Variants in DNAH11 observed in about 807,000 individuals in gnomAD.
DNAH11 encodes axonemal beta dynein heavy chain 11.
DNAH11 carries 442 observed loss-of-function variants against 526.0 expected under a neutral mutation model. The ratio of observed to expected loss-of-function variants is 0.84; its 90% confidence interval spans 0.78 to 0.91. The LOEUF is 0.91. Among genes scored for constraint, DNAH11 ranks in the 40% least tolerant of loss-of-function variants. DNAH11 has a pLI of 0.00. For missense variants in DNAH11, 6,989 were observed against 5,448.7 expected, an observed-to-expected ratio of 1.28 and a Z score of -8.90; for synonymous variants, 2,461 against 1,935.9, an observed-to-expected ratio of 1.27 and a Z score of -7.12.
At chr7:21,854,228 A>C (rs1285989356) in intron 67 of DNAH11, 87 bp from the exon 68 acceptor site, 33 of 1,445,630 alleles carry the variant, frequency 2.3e-5, no homozygotes, top group Non-Finnish European at 2.8e-5. Flanking sequence ...ATAATTTTTC[A>C]TTTCAGGTAC....
At chr7:21,675,756 G>A (rs779346982) in intron 30 of DNAH11, among the ~76,000 whole-genome samples, 22 of 152,198 alleles carry the variant, frequency 1.4e-4, no homozygotes, top group Admixed American at 6.5e-4. Context: ...ACATAACACA[G>A]AATGAGACAG....
chr7:21,855,267 G>C (rs992692491), intron 68 of DNAH11, among the ~76,000 whole-genome samples: 1 of 151,988 alleles, frequency 6.6e-6, no homozygotes, highest in South Asian at 2.1e-4. Context: ...TCCTGACCTC[G>C]TGATCTGCCC....
chr7:21,865,199 C>T (rs890684053), intron 70 of DNAH11, among the ~76,000 whole-genome samples: 3 of 152,152 alleles, frequency 2.0e-5, no homozygotes, highest in East Asian at 1.9e-4. Flanking sequence ...TTAATTCTTC[C>T]AGGATCTGGA....
At chr7:21,740,329 A>G (rs945664825) in intron 48 of DNAH11, among the ~76,000 whole-genome samples, 5 of 152,164 alleles carry the variant, frequency 3.3e-5, no homozygotes, top group Non-Finnish European at 7.3e-5. Flanking sequence ...ACCCATCTCC[A>G]TAACTCTTTT....
chr7:21,756,256 C>G (rs1257066778), intron 54 of DNAH11, among the ~76,000 whole-genome samples: 1 of 151,986 alleles, frequency 6.6e-6, no homozygotes, highest in Non-Finnish European at 1.5e-5. Context: ...CCTGAATACC[C>G]TCAACACCGT....
chr7:21,565,926 ATCTGTTAC>A (rs1364608828), intron 6 of DNAH11, among the ~76,000 whole-genome samples: 1 of 152,156 alleles, frequency 6.6e-6, no homozygotes, highest in Non-Finnish European at 1.5e-5. Flanking sequence ...TTTGTTCAAT[ATCTGTTAC>A]TCTGTTGGGC....
chr7:21,797,356 A>G (rs1481662082), intron 61 of DNAH11, among the ~76,000 whole-genome samples: 1 of 148,574 alleles, frequency 6.7e-6, no homozygotes, highest in Non-Finnish European at 1.5e-5. Flanking sequence ...AGTAGCTGGC[A>G]TTACAGGCCT....
Position 21,871,718 on chromosome 7 carries a change from A to G in DNAH11, c.11968-1556A>G, listed in dbSNP as rs113881640. Among the ~76,000 whole-genome samples, 502 of 152,256 alleles carry G rather than the reference A, an allele frequency of 3.3e-3. 6 individuals are homozygous for G. The highest frequency in any genetic ancestry group is 0.011 in the African/African-American group (461 of 41,554). On this transcript the variant is annotated intron_variant, in intron 73 of 81. Transcript: ENST00000409508. ...GGAACTTAGAGTCCTTACCTACTGT[A>G]TTACTTTGCTAGAGTGGACGGCCAA...
At position 21,861,925 on chromosome 7, in the gene DNAH11, A is replaced by C. The variant is rs1247510142; in HGVS notation, c.11275A>C (p.Ile3759Leu). 6.2e-7 allele frequency: 1 copy of C among 1,613,580 alleles called. No homozygotes were observed. The highest frequency in any genetic ancestry group is 1.3e-5 in the African/African-American group (1 of 74,876). Reference protein sequence around the residue: ...KVEDMQGRISILMESITHAVF... With the variant: ...KVEDMQGRISLLMESITHAVF... ...GGAAGACATGCAGGGACGCATCTCT[A>C]TCCTGATGGAGAGCATCACCCATGC... Residue 3759 changes from isoleucine to leucine, a missense_variant, in exon 69 of 82, where the codon ATC becomes CTC. Physicochemically the swap from Ile to Leu is conservative, Grantham distance 5 (BLOSUM62 2). Transcript: ENST00000409508.
At chr7:21,638,437 A>G (rs1456273928) in intron 27 of DNAH11, among the ~76,000 whole-genome samples, 2 of 152,106 alleles carry the variant, frequency 1.3e-5, no homozygotes, top group African/African-American at 4.8e-5. Context: ...TGCTCTGCTA[A>G]GGGCAATAAA....
intron 6 of DNAH11, among the ~76,000 whole-genome samples, chr7:21,566,068 T>C (rs1783655261): frequency 6.6e-6 from 1 of 152,160 alleles, no homozygotes; most frequent in South Asian, 2.1e-4. Context: ...CCCAAACCCC[T>C]TTTTAGGGAC....
chr7:21,825,324 C>T (rs1290959901), intron 65 of DNAH11, among the ~76,000 whole-genome samples: 1 of 152,196 alleles, frequency 6.6e-6, no homozygotes, highest in Non-Finnish European at 1.5e-5. Context: ...TACAGGTACA[C>T]ACATTCATGC....
intron 35 of DNAH11, among the ~76,000 whole-genome samples, chr7:21,695,079 C>T (rs1783792961): frequency 6.6e-6 from 1 of 152,052 alleles, no homozygotes; most frequent in Non-Finnish European, 1.5e-5. Context: ...AACCACTGCT[C>T]AAGGAAATAA....
chr7:21,720,621 A>C (rs72657352), intron 43 of DNAH11, 104 bp from the exon 44 acceptor site: 396 of 1,288,580 alleles, frequency 3.1e-4, no homozygotes, highest in Non-Finnish European at 3.9e-4. Context: ...CAGCTGGGAA[A>C]AACTATGTAC....
chr7:21,584,497 C>G (rs908237754), intron 9 of DNAH11, among the ~76,000 whole-genome samples: 17 of 152,096 alleles, frequency 1.1e-4, no homozygotes, highest in Non-Finnish European at 1.9e-4. Context: ...TTGATAGGTA[C>G]AGCAAACCAG....
At chr7:21,567,790 A>G (rs1237067036) in intron 6 of DNAH11, among the ~76,000 whole-genome samples, 2 of 152,248 alleles carry the variant, frequency 1.3e-5, no homozygotes, top group Admixed American at 1.3e-4. Flanking sequence ...AGCAGTGAAC[A>G]TTAACATCAT....
intron 20 of DNAH11, among the ~76,000 whole-genome samples, chr7:21,613,934 A>ATTTTT (rs575437991): frequency 6.3e-5 from 9 of 142,834 alleles, no homozygotes; most frequent in East Asian, 2.1e-4. Flanking sequence ...TGCCCAGCTA[A>ATTTTT]TTTTTTTTTT....
intron 8 of DNAH11, among the ~76,000 whole-genome samples, chr7:21,577,920 A>G (rs907796337): frequency 2.6e-5 from 4 of 152,212 alleles, no homozygotes; most frequent in African/African-American, 4.8e-5. Context: ...GTATTAGTCC[A>G]TTTTCACATT....
intron 35 of DNAH11, among the ~76,000 whole-genome samples, chr7:21,691,178 C>CT (rs559356874): frequency 1.7e-3 from 114 of 67,148 alleles, no homozygotes; most frequent in Middle Eastern, 0.014. Context: ...TTTTTTTTTT[C>CT]TTTTTTTTTT....
Sources: gnomAD v4.1 joint callset for allele counts (sites outside exome capture counted in the v4.1 genomes callset) on GRCh38, gnomAD v4.1.1 for gene constraint, MANE v1.5 for transcripts, NCBI Gene and HGNC (gene_info 2026-07-23, HGNC 2026-07-21) for gene names.